The following ANKDD1B variants were observed in gnomAD, a reference collection of about 807,000 sequenced individuals.
The protein encoded by ANKDD1B is ankyrin repeat and death domain containing 1B.
Under a neutral mutation model 59.7 loss-of-function variants are expected in ANKDD1B, and 57 were observed. That is an observed-to-expected ratio of 0.95 (90% CI 0.77 to 1.19). The LOEUF is 1.19. ANKDD1B is among the 50% of genes most tolerant of loss of function. ANKDD1B has a pLI of 0.00. For synonymous variants in ANKDD1B, 216 were observed against 239.5 expected (o/e 0.90, Z 0.91); for missense variants, 602 against 641.9 (o/e 0.94, Z 0.67).
intron 12 of ANKDD1B, 34 bp downstream of exon 12, chr5:75,667,027 A>G: frequency 7.4e-7 from 1 of 1,351,552 alleles, no homozygotes; most frequent in Middle Eastern, 2.1e-4. Flanking sequence ...GGCAGGAGGA[A>G]TTCACTGTTA....
intron 1 of ANKDD1B, among the ~76,000 whole-genome samples, chr5:75,614,228 C>T (rs1442831179): frequency 3.9e-5 from 6 of 152,144 alleles, no homozygotes; most frequent in Admixed American, 6.6e-5. Flanking sequence ...TCTCCAAGCC[C>T]CAATTCCCAC....
intron 7 of ANKDD1B, among the ~76,000 whole-genome samples, chr5:75,648,264 A>C (rs1467206584): frequency 9.4e-4 from 34 of 36,154 alleles, no homozygotes; most frequent in Admixed American, 1.5e-3. Flanking sequence ...AAAAAAAAAA[A>C]ATTAAAAAAA....
chr5:75,666,550 A>T (rs1457270666), intron 11 of ANKDD1B, among the ~76,000 whole-genome samples: 1 of 152,108 alleles, frequency 6.6e-6, no homozygotes. Context: ...GGGACACAAT[A>T]GGCAAAATCC....
At chr5:75,612,056 ATTC>A (rs1773575640) in intron 1 of ANKDD1B, among the ~76,000 whole-genome samples, 1 of 152,150 alleles carries the variant, frequency 6.6e-6, no homozygotes. Flanking sequence ...GGACAGTATT[ATTC>A]TTCCGAATTA....
At chr5:75,667,150 A>G (rs1195098433) in intron 12 of ANKDD1B, among the ~76,000 whole-genome samples, 157 bp downstream of exon 12, 1 of 152,218 alleles carries the variant, frequency 6.6e-6, no homozygotes, top group Admixed American at 6.5e-5. Flanking sequence ...GGTCCACACC[A>G]GTGATTTGGG....
intron 9 of ANKDD1B, among the ~76,000 whole-genome samples, chr5:75,658,755 T>A (rs1037558707): frequency 2.0e-5 from 3 of 152,202 alleles, no homozygotes; most frequent in Non-Finnish European, 4.4e-5. Flanking sequence ...CTTTTATTTT[T>A]AAAAAATCTT....
intron 5 of ANKDD1B, among the ~76,000 whole-genome samples, chr5:75,627,310 C>A (rs986704780): frequency 6.6e-6 from 1 of 152,006 alleles, no homozygotes; most frequent in Non-Finnish European, 1.5e-5. Context: ...AATCAGCAAA[C>A]CTCCATTCTT....
At chr5:75,615,735 A>G (rs1581126820) in intron 1 of ANKDD1B, among the ~76,000 whole-genome samples, 1 of 151,152 alleles carries the variant, frequency 6.6e-6, no homozygotes, top group South Asian at 2.1e-4. Context: ...GACACCAATC[A>G]TTATCAGATT....
At position 75,652,009 on chromosome 5, in the gene ANKDD1B, G is replaced by T. The variant is rs911211145; in HGVS notation, c.799-1133G>T. On this transcript the variant is annotated intron_variant, in intron 7 of 13. Transcript: ENST00000601380. ...CTCATTCATAAGGGTTCCACCCAGG[G>T]TTCATCTGGATTCAAAGGAGTGAAG... 3.9e-5 allele frequency among the ~76,000 whole-genome samples: 6 copies of T among 152,276 alleles called. No homozygotes were observed. The East Asian group carries it at 7.7e-4, about 20-fold the overall frequency.
intron 5 of ANKDD1B, among the ~76,000 whole-genome samples, chr5:75,630,644 C>G (rs1051524497): frequency 2.8e-4 from 43 of 152,180 alleles, no homozygotes; most frequent in African/African-American, 1.0e-3. Context: ...GTATTGTTAC[C>G]AAACTGATAA....
chr5:75,655,160 G>A (rs10942741), intron 8 of ANKDD1B, among the ~76,000 whole-genome samples: 4,948 of 152,266 alleles, frequency 0.032, 264 homozygotes, highest in African/African-American at 0.11. Flanking sequence ...GCAAAGTGTC[G>A]GGGGTAGATA....
intron 7 of ANKDD1B, among the ~76,000 whole-genome samples, chr5:75,638,922 A>G (rs201617570): frequency 3.9e-5 from 6 of 152,270 alleles, no homozygotes; most frequent in South Asian, 4.1e-4. Flanking sequence ...TTTAGTTTCA[A>G]TTTTTGTTTA....
intron 5 of ANKDD1B, among the ~76,000 whole-genome samples, chr5:75,628,092 A>G (rs1359674353): frequency 6.6e-6 from 1 of 152,220 alleles, no homozygotes; most frequent in Non-Finnish European, 1.5e-5. Context: ...GCCCAACTTT[A>G]GTCTCTTAAG....
intron 5 of ANKDD1B, among the ~76,000 whole-genome samples, chr5:75,634,314 C>G (rs1360588403): frequency 1.3e-5 from 2 of 152,180 alleles, no homozygotes; most frequent in Non-Finnish European, 2.9e-5. Context: ...CTGGGTAATG[C>G]CTCATTTCTT....
At chr5:75,659,451 G>T in intron 10 of ANKDD1B, 70 bp downstream of exon 10, 1 of 1,087,434 alleles carries the variant, frequency 9.2e-7, no homozygotes, top group South Asian at 1.3e-5. Context: ...TGTCAGCCTT[G>T]AGCAGCGTTA....
intron 1 of ANKDD1B, among the ~76,000 whole-genome samples, chr5:75,614,101 C>T (rs889145425): frequency 6.6e-6 from 1 of 151,962 alleles, no homozygotes; most frequent in Non-Finnish European, 1.5e-5. Flanking sequence ...CTTGTAATCT[C>T]ACAAGTTAGC....
intron 6 of ANKDD1B, chr5:75,635,570 A>AT (rs1484447148): frequency 2.6e-6 from 1 of 383,764 alleles, no homozygotes; most frequent in East Asian, 4.0e-5. Flanking sequence ...AGCATGGATG[A>AT]TTTTTTTCCT....
At position 75,666,870 on chromosome 5, in the gene ANKDD1B, C is replaced by G. The variant is rs1228541574; in HGVS notation, c.1270C>G (p.His424Asp). ...FKQDHSLETRHIRTLLWDLAY... is the reference protein window; with the variant it reads ...FKQDHSLETRDIRTLLWDLAY... ...GCAAGATCACAGTCTGGAGACCAGA[C>G]ACATTCGCACGCTTCTCTGGGACCT... is the stretch of plus-strand genomic sequence containing the variant. Residue 424 changes from histidine to aspartate, a missense_variant, in exon 12 of 14, where the codon CAC (histidine) becomes GAC (aspartate). This residue lies in a region of ANKDD1B where 280 missense variants were observed against 319.8 expected (regional missense o/e 0.88). Transcript: ENST00000601380. 6.5e-7 allele frequency: 1 copy of G among 1,535,608 alleles called. No individual in the cohort carries two copies. Among genetic ancestry groups the G allele is most frequent in the Non-Finnish European group, 8.7e-7 (1 of 1,146,714 alleles).
In ANKDD1B at chr5:75,671,136, A is replaced by G; in HGVS notation, c.*96A>G. 2.1e-6 allele frequency: 1 copy of G among 473,980 alleles called. No homozygotes were observed. The allele number at this position is 473,980 out of a possible 1,614,324, so 29.4% of individuals were successfully genotyped here. Reference sequence around the variant, plus strand: ...CTAGCAGTAGCACTGATTTTCAACTATGATGATGGTGGTGACAGGGAACTC... The same window carrying G: ...CTAGCAGTAGCACTGATTTTCAACTGTGATGATGGTGGTGACAGGGAACTC... On this transcript the variant is annotated 3_prime_UTR_variant, in exon 14 of 14. Coordinates refer to ENST00000601380, the MANE Select transcript of ANKDD1B (RefSeq NM_001276713.2).
Sources: allele counts gnomAD v4.1 joint callset (sites outside exome capture counted in the v4.1 genomes callset), GRCh38; gene constraint gnomAD v4.1.1; regional missense constraint gnomAD v4.1.1; transcripts MANE v1.5; gene names NCBI Gene and HGNC (gene_info 2026-07-23, HGNC 2026-07-21).